The following HACL1 variants were observed in gnomAD, a reference collection of about 807,000 sequenced individuals.
HACL1 encodes 2-hydroxyacyl-CoA lyase 1.
Under a neutral mutation model 74.2 loss-of-function variants are expected in HACL1, and 64 were observed. The ratio of observed to expected loss-of-function variants is 0.86; its 90% CI spans 0.70 to 1.06. HACL1 has a LOEUF of 1.06. HACL1 is among the 50% of genes least tolerant of loss of function. The probability of loss-of-function intolerance (pLI) is 0.00; values close to 1 mark genes in which losing one functional copy is unlikely to be tolerated. For synonymous variants in HACL1, 230 were observed against 238.8 expected (o/e 0.96, Z 0.34); for missense variants, 728 against 719.7 (o/e 1.01, Z -0.13).
At chr3:15,580,556 G>A (rs1175693317) in intron 8 of HACL1, among the ~76,000 whole-genome samples, 1 of 152,162 alleles carries the variant, frequency 6.6e-6, no homozygotes, top group East Asian at 1.9e-4. Context: ...CAATTATCCT[G>A]AAGGATGTCT....
At chr3:15,562,473 A>G (rs982160939) in intron 16 of HACL1, among the ~76,000 whole-genome samples, 5 of 152,220 alleles carry the variant, frequency 3.3e-5, no homozygotes, top group Admixed American at 1.3e-4. Context: ...TAGTTAATTT[A>G]TATTTCATTG....
At chr3:15,565,268 T>C (rs2063414138) in intron 14 of HACL1, among the ~76,000 whole-genome samples, 1 of 152,178 alleles carries the variant, frequency 6.6e-6, no homozygotes, top group Non-Finnish European at 1.5e-5. Context: ...CTAGATGGTA[T>C]ATGAAGAACA....
intron 7 of HACL1, among the ~76,000 whole-genome samples, chr3:15,584,049 T>A (rs2063753893): frequency 6.6e-6 from 1 of 152,242 alleles, no homozygotes; most frequent in Non-Finnish European, 1.5e-5. Context: ...TAAGTATTTC[T>A]GGACACCAAG....
chr3:15,574,660 A>G (rs981836033), intron 10 of HACL1, among the ~76,000 whole-genome samples: 2 of 152,224 alleles, frequency 1.3e-5, no homozygotes, highest in Non-Finnish European at 2.9e-5. Flanking sequence ...CTAGTCTACC[A>G]TCCTACTTAA....
chr3:15,563,278 TTC>T (rs1030909415), intron 16 of HACL1, 78 bp downstream of exon 16: 1 of 903,512 alleles, frequency 1.1e-6, no homozygotes, highest in African/African-American at 1.7e-5. Flanking sequence ...ATAGAGGGTG[TTC>T]TGTTTGGTAG....
At chr3:15,592,173 TGTATATATGTATACATAC>T (rs1014182179) in intron 3 of HACL1, among the ~76,000 whole-genome samples, 4 of 150,072 alleles carry the variant, frequency 2.7e-5, no homozygotes, top group Non-Finnish European at 5.9e-5. Context: ...TATACATGCA[TGTATATATGTATACATAC>T]GTATATATGT....
chr3:15,592,571 T>G (rs199634582), intron 3 of HACL1, among the ~76,000 whole-genome samples: 1 of 141,748 alleles, frequency 7.1e-6, no homozygotes, highest in African/African-American at 2.8e-5. Flanking sequence ...TATACACATG[T>G]ACGCACATGT....
At chr3:15,561,790 C>T (rs937837276) in intron 16 of HACL1, among the ~76,000 whole-genome samples, 16 of 152,188 alleles carry the variant, frequency 1.1e-4, no homozygotes, top group African/African-American at 3.9e-4. Context: ...AAGTGATTCT[C>T]GTGCCTCCAC....
intron 15 of HACL1, 68 bp downstream of exon 15, chr3:15,564,483 G>C (rs1213386825): frequency 4.0e-6 from 3 of 743,002 alleles, no homozygotes; most frequent in Non-Finnish European, 7.2e-6. Context: ...TGCCAATATA[G>C]AAGACTTTTT....
At position 15,568,016 on chromosome 3, in the gene HACL1, A is replaced by C. The variant is rs774629751; in HGVS notation, c.1251-14T>G. 6.2e-7 allele frequency: 1 copy of C among 1,613,776 alleles called. No homozygotes were observed. The highest frequency in any genetic ancestry group is 2.2e-5 in the East Asian group (1 of 44,884). ...CCAGCATCAAGCCTGTTGGAGAACA[A>C]AGTTAAAATGAAACCCTCTGGGGCA... On this transcript the variant is annotated splice_polypyrimidine_tract_variant and intron_variant, in intron 13 of 16. Transcript: ENST00000321169.
intron 9 of HACL1, among the ~76,000 whole-genome samples, chr3:15,578,489 T>C (rs1439003308): frequency 6.6e-6 from 1 of 152,218 alleles, no homozygotes; most frequent in Non-Finnish European, 1.5e-5. Flanking sequence ...CCCCGTGTTT[T>C]GTCTCCTGGC....
chr3:15,598,054 C>T (rs559454693), intron 2 of HACL1, among the ~76,000 whole-genome samples: 5 of 146,704 alleles, frequency 3.4e-5, no homozygotes, highest in African/African-American at 1.3e-4. Context: ...TTCGGAGTTT[C>T]GCTCTTGTTG....
chr3:15,571,424 T>C (rs2063525596), intron 12 of HACL1, among the ~76,000 whole-genome samples: 1 of 152,210 alleles, frequency 6.6e-6, no homozygotes, highest in Non-Finnish European at 1.5e-5. Context: ...AAATGCTATA[T>C]TCATTGGCAT....
chr3:15,601,345 T>C, intron 1 of HACL1, 38 bp downstream of exon 1: 2 of 1,612,840 alleles, frequency 1.2e-6, no homozygotes, highest in African/African-American at 2.7e-5. Flanking sequence ...CCCGCCAGCT[T>C]CCGTAGGAGC....
intron 3 of HACL1, 73 bp downstream of exon 3, chr3:15,596,311 C>T (rs1050522138): frequency 2.5e-6 from 2 of 789,756 alleles, no homozygotes; most frequent in African/African-American, 3.4e-5. Context: ...ATGAACTCAT[C>T]CTTCAGCTGA....
intron 14 of HACL1, among the ~76,000 whole-genome samples, chr3:15,567,562 G>C (rs1309414612): frequency 6.6e-6 from 1 of 152,014 alleles, no homozygotes; most frequent in African/African-American, 2.4e-5. Context: ...TTTCCCACAG[G>C]AAACAAGCTT....
chr3:15,576,174 AAAAG>A (rs1254903709), intron 9 of HACL1, among the ~76,000 whole-genome samples: 2 of 151,358 alleles, frequency 1.3e-5, no homozygotes, highest in East Asian at 3.9e-4. Flanking sequence ...AAAAAAAAAA[AAAAG>A]GTTTCCTTTC....
At chr3:15,583,905 C>T (rs953621615) in intron 7 of HACL1, among the ~76,000 whole-genome samples, 4 of 152,100 alleles carry the variant, frequency 2.6e-5, no homozygotes, top group Admixed American at 6.5e-5. Context: ...GATCCACCCA[C>T]CTCGGCCTCC....
Position 15,601,501 on chromosome 3 carries a change from A to T in HACL1, c.-38T>A, listed in dbSNP as rs533115872. ...AGCTCTAAGCACTCACGCAGCCGGC[A>T]AACAAGCGGAATCATCCAGCAAGGC... On this transcript the variant is annotated 5_prime_UTR_variant, in exon 1 of 17. Coordinates refer to ENST00000321169, the MANE Select transcript of HACL1 (RefSeq NM_012260.4). 6.2e-7 allele frequency: 1 copy of T among 1,610,152 alleles called. No individual in the cohort carries two copies. The highest frequency in any genetic ancestry group is 1.3e-5 in the African/African-American group (1 of 75,046).
Sources: gnomAD v4.1 joint callset for allele counts (sites outside exome capture counted in the v4.1 genomes callset) on GRCh38, gnomAD v4.1.1 for gene constraint, MANE v1.5 for transcripts, NCBI Gene and HGNC (gene_info 2026-07-23, HGNC 2026-07-21) for gene names.